The following B4GALT7 variants were observed in gnomAD, a reference collection of about 807,000 sequenced individuals.
B4GALT7 encodes the protein beta-1,4-galactosyltransferase 7.
A neutral mutation model predicts 33.0 loss-of-function variants in B4GALT7; 30 were observed. The ratio of observed to expected loss-of-function variants is 0.91; its 90% CI spans 0.68 to 1.23. B4GALT7 has a LOEUF of 1.23. Among genes scored for constraint, B4GALT7 ranks in the 50% most tolerant of loss-of-function variants. The pLI is 0.00. For missense variants in B4GALT7, 507 were observed against 450.8 expected (o/e 1.12, Z -1.13); for synonymous variants, 213 against 187.2 (o/e 1.14, Z -1.13).
chr5:177,601,263 G>C (rs906398539), intron 1 of B4GALT7, among the ~76,000 whole-genome samples: 1 of 152,190 alleles, frequency 6.6e-6, no homozygotes, highest in African/African-American at 2.4e-5. Context: ...TGTGAGCAGA[G>C]ACCCCTGCAT....
At position 177,608,901 on chromosome 5, in the gene B4GALT7, C is replaced by A; in HGVS notation, c.724-9C>A. Reference sequence around the variant, plus strand: ...GCAGCCTGACCCCGACTTCCTTGGACCTCCCTAGCTTTTCCGCCCCTCGGG... The same window carrying A: ...GCAGCCTGACCCCGACTTCCTTGGAACTCCCTAGCTTTTCCGCCCCTCGGG... On this transcript the variant is annotated splice_polypyrimidine_tract_variant and intron_variant, in intron 4 of 5. Transcript: ENST00000029410. This position sits in a 1 kb window ranked among gnomAD's most constrained non-coding sequence, Gnocchi z 4.1. 6.2e-7 allele frequency: 1 copy of A among 1,611,640 alleles called. No homozygotes were observed. The highest frequency in any genetic ancestry group is 8.5e-7 in the Non-Finnish European group (1 of 1,178,276).
rs201859856 is a variant in B4GALT7 at position 177,604,358 on chromosome 5, C to T, written c.230C>T (p.Pro77Leu). ...ETSGPPRACPPEPPPEHWEED... is the reference protein window; with the variant it reads ...ETSGPPRACPLEPPPEHWEED... ...TCGGGCCCTCCCCGTGCCTGCCCCC[C>T]AGAGCCGCCCCCTGAGCACTGGGAA... The change falls in exon 2 of 6, where the codon CCA becomes CTA. Residue 77 changes from proline (P) to leucine (L), a missense_variant. Physicochemically the swap from Pro to Leu is moderately conservative, Grantham distance 98. Transcript: ENST00000029410. The T allele has an allele frequency of 1.2e-6, 2 of 1,612,446 alleles. No individual in the cohort carries two copies. The highest frequency in any genetic ancestry group is 2.2e-5 in the East Asian group (1 of 44,800).
Position 177,608,873 on chromosome 5 carries a change from A to G in B4GALT7, c.724-37A>G. ...GGTGGTGAGGGCTGGGGCTCCAGGAAGGGCAGCCTGACCCCGACTTCCTTG... is the reference window on the plus strand; with the variant it reads ...GGTGGTGAGGGCTGGGGCTCCAGGAGGGGCAGCCTGACCCCGACTTCCTTG... On this transcript the variant is annotated intron_variant, in intron 4 of 5. Transcript: ENST00000029410. This position sits in a 1 kb window ranked among gnomAD's most constrained non-coding sequence, Gnocchi z 4.1. 2 of 1,563,340 alleles carry G rather than the reference A, an allele frequency of 1.3e-6. No homozygotes were observed. Among genetic ancestry groups the G allele is most frequent in the Non-Finnish European group, 1.8e-6 (2 of 1,135,530 alleles).
chr5:177,610,180 G>T lies in B4GALT7; in HGVS notation c.*485G>T. 5.4e-6 allele frequency: 1 copy of T among 185,336 alleles called. No homozygotes were observed. Among genetic ancestry groups the T allele is most frequent in the South Asian group, 1.2e-4 (1 of 8,344 alleles). The allele number at this position is 185,336 out of a possible 1,614,324, so 11.5% of individuals were successfully genotyped here. A position where few individuals can be genotyped will look rare whatever the true frequency, so the allele number is the denominator to read the frequency against. ...AAGCCCCACAGAGGGGGAACAGCCAGCACCGCTCTAGCTGGTTGTTGCCAT... is the reference window on the plus strand; with the variant it reads ...AAGCCCCACAGAGGGGGAACAGCCATCACCGCTCTAGCTGGTTGTTGCCAT... On this transcript the variant is annotated 3_prime_UTR_variant, in exon 6 of 6. Transcript: ENST00000029410.
At chr5:177,607,583 G>T in intron 3 of B4GALT7, 56 bp downstream of exon 3, 2 of 1,531,758 alleles carry the variant, frequency 1.3e-6, no homozygotes, top group East Asian at 4.5e-5. Context: ...CAGGCTGCGG[G>T]TGGTGGGAAG....
rs1767919814 is a variant in B4GALT7 at position 177,604,332 on chromosome 5, C to T, written c.204C>T (p.Thr68=). Residue 68 remains threonine, a synonymous_variant, in exon 2 of 6, where the codon ACC becomes ACT. Transcript: ENST00000029410. ...ARAVRGQGQE[T]SGPPRACPPE... ...CAGTCAGGGGACAAGGGCAGGAGAC[C>T]TCGGGCCCTCCCCGTGCCTGCCCCC... The T allele has an allele frequency of 1.2e-5, 20 of 1,610,660 alleles. No individual in the cohort carries two copies. The highest frequency in any genetic ancestry group is 1.7e-5 in the Non-Finnish European group (20 of 1,178,578).
intron 5 of B4GALT7, among the ~76,000 whole-genome samples, 177 bp downstream of exon 5, chr5:177,609,191 ACC>A (rs1357773391): frequency 6.6e-6 from 1 of 151,882 alleles, no homozygotes; most frequent in East Asian, 1.9e-4. Flanking sequence ...TGCTGTGGGC[ACC>A]CTGGGCACTG....
At position 177,608,199 on chromosome 5, in the gene B4GALT7, T is replaced by C. The variant is rs1017424091; in HGVS notation, c.640-340T>C. ...CCCCTCTCACACACACAGGAAGAGA[T>C]GAGGGCAGGGCCACCAGGAGAAAGG... On this transcript the variant is annotated intron_variant, in intron 3 of 5. Coordinates refer to ENST00000029410, the MANE Select transcript of B4GALT7 (RefSeq NM_007255.3). This position sits in a 1 kb window ranked among gnomAD's most constrained non-coding sequence, Gnocchi z 4.1. The C allele has an allele frequency of 3.6e-5, 13 of 360,860 alleles. No individual in the cohort carries two copies. In the East Asian group the frequency reaches 7.9e-4, roughly 22 times the overall value. The allele number at this position is 360,860 out of a possible 1,614,324, so 22.4% of individuals were successfully genotyped here. A position where few individuals can be genotyped will look rare whatever the true frequency, so the allele number is the denominator to read the frequency against.
chr5:177,606,358 A>T lies in B4GALT7; in HGVS notation c.414-944A>T, dbSNP rs1768010343. On this transcript the variant is annotated intron_variant, in intron 2 of 5. Coordinates refer to ENST00000029410, the MANE Select transcript of B4GALT7 (RefSeq NM_007255.3). This position sits in a 1 kb window ranked among gnomAD's most constrained non-coding sequence, Gnocchi z 4.2. ...AACCTGTAGCTCTGTCCTCTTCTCCATGGGAATGGAAGCTCTTTGCTCTCA... is the reference window on the plus strand; with the variant it reads ...AACCTGTAGCTCTGTCCTCTTCTCCTTGGGAATGGAAGCTCTTTGCTCTCA... The T allele has an allele frequency of 6.6e-6, 1 of 152,330 alleles. No homozygotes were observed. Among genetic ancestry groups the T allele is most frequent in the Non-Finnish European group, 1.5e-5 (1 of 68,264 alleles). The allele number at this position is 152,330 out of a possible 1,614,324, so 9.4% of individuals were successfully genotyped here.
At position 177,608,806 on chromosome 5, in the gene B4GALT7, A is replaced by G. The variant is rs559815377; in HGVS notation, c.724-104A>G. 39 of 1,185,300 alleles carry G rather than the reference A, an allele frequency of 3.3e-5. No individual in the cohort carries two copies. In the African/African-American group the frequency reaches 5.7e-4, roughly 17 times the overall value. The allele number at this position is 1,185,300 out of a possible 1,614,324, so 73.4% of individuals were successfully genotyped here. ...TGTGGGCCCCAGTCTCCTCTCCTGC[A>G]GGCTGGGAGTGCAGGTCCCTTCCTG... On this transcript the variant is annotated intron_variant, in intron 4 of 5. Coordinates refer to ENST00000029410, the MANE Select transcript of B4GALT7 (RefSeq NM_007255.3). This position sits in a 1 kb window ranked among gnomAD's most constrained non-coding sequence, Gnocchi z 4.1.
At chr5:177,604,584 G>C in intron 2 of B4GALT7, 43 bp downstream of exon 2, 1 of 1,612,242 alleles carries the variant, frequency 6.2e-7, no homozygotes, top group South Asian at 1.1e-5. Context: ...CCCCTGCCCG[G>C]GCTCAGGCTT....
rs747168058 is a variant in B4GALT7, at chr5:177,607,299, C to G, written c.414-3C>G. ...CCTGCCCAGCCTTGCCCACCCTGCACAGGTTCAACCGGGCAGCGCTCATCA... is the reference window on the plus strand; with the variant it reads ...CCTGCCCAGCCTTGCCCACCCTGCAGAGGTTCAACCGGGCAGCGCTCATCA... On this transcript the variant is annotated splice_region_variant and splice_polypyrimidine_tract_variant and intron_variant, in intron 2 of 5. Transcript: ENST00000029410. 3 of 1,603,190 alleles carry G rather than the reference C, an allele frequency of 1.9e-6. No homozygotes were observed. Among genetic ancestry groups the G allele is most frequent in the East Asian group, 2.3e-5 (1 of 44,326 alleles).
chr5:177,604,475 G>C lies in B4GALT7; in HGVS notation c.347G>C (p.Arg116Pro). ...EELLVFVPHM[R>P]RFLSRKKIRH... is the part of the protein sequence containing the mutation. ...CTCCTGGTCTTCGTGCCCCACATGC[G>C]CCGCTTCCTGAGCAGGAAGAAGATC... is the stretch of plus-strand genomic sequence containing the variant. Residue 116 changes from arginine to proline, a missense_variant, in exon 2 of 6, where the codon CGC (arginine) becomes CCC (proline). Transcript: ENST00000029410. The C allele has an allele frequency of 6.2e-7, 1 of 1,613,988 alleles. No homozygotes were observed. The highest frequency in any genetic ancestry group is 8.5e-7 in the Non-Finnish European group (1 of 1,179,942).
At chr5:177,609,421 T>G in intron 5 of B4GALT7, 119 bp from the exon 6 acceptor site, 1 of 1,318,054 alleles carries the variant, frequency 7.6e-7, no homozygotes, top group Non-Finnish European at 1.1e-6. Flanking sequence ...CTTTGAGCTC[T>G]GGGTTCTTCC....
chr5:177,607,530 G>T lies in B4GALT7; in HGVS notation c.639+3G>T. On this transcript the variant is annotated splice_donor_region_variant and intron_variant, in intron 3 of 5. Transcript: ENST00000029410. Reference sequence around the variant, plus strand: ...TCTCCAAGCAGCACTACCGGCTGGTGAGGCCCGGACAGCCTGCTCTGCTCA... The same window carrying T: ...TCTCCAAGCAGCACTACCGGCTGGTTAGGCCCGGACAGCCTGCTCTGCTCA... 6.2e-7 allele frequency: 1 copy of T among 1,609,988 alleles called. No homozygotes were observed.
At chr5:177,601,246 G>A (rs779296227) in intron 1 of B4GALT7, among the ~76,000 whole-genome samples, 4 of 152,158 alleles carry the variant, frequency 2.6e-5, no homozygotes, top group East Asian at 1.9e-4. Context: ...GGAGTCCTCC[G>A]TAATTATGTG....
At position 177,604,288 on chromosome 5, in the gene B4GALT7, T is replaced by G. The variant is rs772473695; in HGVS notation, c.160T>G (p.Ser54Ala). The part of the protein sequence containing the change: ...FSLLWLQLSC[S>A]GDVARAVRGQ... ...CCTACTCTGGCTGCAGCTCAGCTGCTCTGGGGACGTGGCCCGGGCAGTCAG... is the reference window on the plus strand; with the variant it reads ...CCTACTCTGGCTGCAGCTCAGCTGCGCTGGGGACGTGGCCCGGGCAGTCAG... Residue 54 changes from serine (S) to alanine (A), a missense_variant, in exon 2 of 6, where the codon TCT (serine) becomes GCT (alanine). By Grantham distance (99) the Ser-to-Ala change is moderately conservative. Transcript: ENST00000029410. 3 of 1,612,570 alleles carry G rather than the reference T, an allele frequency of 1.9e-6. No homozygotes were observed. Among genetic ancestry groups the G allele is most frequent in the Non-Finnish European group, 2.5e-6 (3 of 1,179,366 alleles).
rs190598936 is a variant in B4GALT7, at chr5:177,600,417, C to T, written c.50+157C>T. On this transcript the variant is annotated intron_variant, in intron 1 of 5. Coordinates refer to ENST00000029410, the MANE Select transcript of B4GALT7 (RefSeq NM_007255.3). The surrounding 1 kb of genome is among the most constrained non-coding windows in gnomAD (Gnocchi z 4.4). The stretch of plus-strand genomic sequence containing the variant: ...CCTGTGGGTCCCTGGCGCTCTGTTC[C>T]GGTTTCTGTCTGTCCCTGTGGGTCT... 6.6e-6 allele frequency among the ~76,000 whole-genome samples: 1 copy of T among 152,128 alleles called. No homozygotes were observed. The highest frequency in any genetic ancestry group is 1.5e-5 in the Non-Finnish European group (1 of 68,018).
In B4GALT7 at chr5:177,609,726, A is replaced by G. The variant is rs377047044; in HGVS notation, c.*31A>G. On this transcript the variant is annotated 3_prime_UTR_variant, in exon 6 of 6. Transcript: ENST00000029410. ...ATGGACAGTGAGGAAGCCTGTACCT[A>G]CAGGCCATATTGCTCAGGCTCAGGA... 10 of 1,573,406 alleles carry G rather than the reference A, an allele frequency of 6.4e-6. No individual in the cohort carries two copies. Among genetic ancestry groups the G allele is most frequent in the Middle Eastern group, 2.0e-4 (1 of 5,116 alleles).
Sources: allele counts gnomAD v4.1 joint callset (sites outside exome capture counted in the v4.1 genomes callset), GRCh38; gene constraint gnomAD v4.1.1; non-coding constraint Gnocchi (gnomAD v3.1); transcripts MANE v1.5; gene names NCBI Gene and HGNC (gene_info 2026-07-23, HGNC 2026-07-21).